Variants in WSCD2 observed in about 807,000 individuals in gnomAD.
WSCD2 encodes sialate:O-sulfotransferase 2.
In WSCD2, 28 loss-of-function variants were observed where a neutral mutation model predicts 55.7. The ratio of observed to expected loss-of-function variants is 0.50; its 90% CI spans 0.37 to 0.69. WSCD2 has a LOEUF of 0.69. WSCD2 is among the 30% of genes least tolerant of loss of function. The pLI, the probability that WSCD2 is intolerant of heterozygous loss-of-function variation, is 0.00. For synonymous variants in WSCD2, 301 were observed against 301.9 expected, an observed-to-expected ratio of 1.00 and a Z score of 0.03; for missense variants, 616 against 762.1, an observed-to-expected ratio of 0.81 and a Z score of 2.26.
At chr12:108,220,498 A>T in intron 4 of WSCD2, among the ~76,000 whole-genome samples, 1 of 152,176 alleles carries the variant, frequency 6.6e-6, no homozygotes, top group South Asian at 2.1e-4. Context: ...CATACCACAC[A>T]ACCAGTACAT....
chr12:108,235,994 T>C (rs779511468), intron 7 of WSCD2, among the ~76,000 whole-genome samples: 2 of 152,152 alleles, frequency 1.3e-5, no homozygotes, highest in Non-Finnish European at 2.9e-5. Context: ...CTTCATGAAA[T>C]CCTTTGCCGC....
In WSCD2 at chr12:108,210,168, G is replaced by A. The variant is rs1885955810; in HGVS notation, c.545G>A (p.Gly182Asp). 1 of 1,614,014 alleles carries A rather than the reference G, an allele frequency of 6.2e-7. No homozygotes were observed. The change falls in exon 4 of 9, where the codon GGC (glycine) becomes GAC (aspartate). Residue 182 changes from glycine (G) to aspartate (D), a missense_variant. Coordinates refer to ENST00000547525, the MANE Select transcript of WSCD2 (RefSeq NM_014653.4). This position sits in a 1 kb window ranked among gnomAD's most constrained non-coding sequence, Gnocchi z 4.3. ...GLEFGAECYC[G>D]HKIQATNVSE... is the part of the protein sequence containing the mutation. ...GAGTTCGGCGCCGAGTGCTACTGCG[G>A]CCACAAGATCCAGGCGACGAACGTG...
In WSCD2 at chr12:108,227,003, C is replaced by T. The variant is rs1282939739; in HGVS notation, c.818C>T (p.Ala273Val). Residue 273 changes from alanine to valine, a missense_variant, in exon 6 of 9, where the codon GCA (alanine) becomes GTA (valine). By Grantham distance (64) the Ala-to-Val change is moderately conservative. Coordinates refer to ENST00000547525, the MANE Select transcript of WSCD2 (RefSeq NM_014653.4). ...DFCTEKEYPL[A>V]ALAGTACHCG... Reference sequence around the variant, plus strand: ...CTCCATCCCCAGGAGTACCCGCTGGCAGCTCTTGCAGGCACCGCCTGCCAC... The same window carrying T: ...CTCCATCCCCAGGAGTACCCGCTGGTAGCTCTTGCAGGCACCGCCTGCCAC... The T allele has an allele frequency of 6.2e-7, 1 of 1,613,554 alleles. No individual in the cohort carries two copies. The highest frequency in any genetic ancestry group is 2.2e-5 in the East Asian group (1 of 44,880).
intron 8 of WSCD2, among the ~76,000 whole-genome samples, chr12:108,244,228 G>C (rs921506014): frequency 1.3e-5 from 2 of 152,194 alleles, no homozygotes; most frequent in Non-Finnish European, 2.9e-5. Flanking sequence ...TTTGCAGACA[G>C]CAATCAATGA....
intron 6 of WSCD2, among the ~76,000 whole-genome samples, chr12:108,227,942 T>G (rs1888321913): frequency 6.6e-6 from 1 of 151,964 alleles, no homozygotes. Flanking sequence ...TGGAGTTTCT[T>G]GAGGTCTTAC....
At chr12:108,165,659 G>A (rs959197521) in intron 1 of WSCD2, among the ~76,000 whole-genome samples, 2 of 152,216 alleles carry the variant, frequency 1.3e-5, no homozygotes, top group African/African-American at 4.8e-5. Flanking sequence ...AGTTGAGTGT[G>A]AGGTGGAGAC....
intron 4 of WSCD2, among the ~76,000 whole-genome samples, chr12:108,221,273 C>T (rs1174836340): frequency 3.9e-5 from 6 of 152,058 alleles, no homozygotes; most frequent in African/African-American, 9.7e-5. Context: ...CCCACTTTCC[C>T]GGTGGGTGTG....
chr12:108,219,893 T>C (rs1031498438), intron 4 of WSCD2, among the ~76,000 whole-genome samples: 1 of 152,220 alleles, frequency 6.6e-6, no homozygotes, highest in African/African-American at 2.4e-5. Context: ...TTGAAGTTGG[T>C]TCTAGAGACC....
At chr12:108,154,459 G>T (rs1820888355) in intron 1 of WSCD2, among the ~76,000 whole-genome samples, 1 of 152,126 alleles carries the variant, frequency 6.6e-6, no homozygotes, top group Non-Finnish European at 1.5e-5. Context: ...CCCTCATAAG[G>T]ATGCTTGTGA....
At chr12:108,154,989 A>G (rs1271621313) in intron 1 of WSCD2, among the ~76,000 whole-genome samples, 3 of 152,314 alleles carry the variant, frequency 2.0e-5, no homozygotes, top group African/African-American at 7.2e-5. Flanking sequence ...AATATGCCCC[A>G]GATCCCAGCC....
intron 1 of WSCD2, among the ~76,000 whole-genome samples, chr12:108,141,489 G>C (rs1011005859): frequency 1.3e-5 from 2 of 152,280 alleles, no homozygotes; most frequent in East Asian, 1.9e-4. Flanking sequence ...GGAGGTTCGA[G>C]GGGGAGAATC....
chr12:108,162,386 G>A (rs1879165578), intron 1 of WSCD2, among the ~76,000 whole-genome samples: 1 of 152,058 alleles, frequency 6.6e-6, no homozygotes. Context: ...ATGGGCTGGG[G>A]GATCCCCAGC....
rs559546028 is a variant in WSCD2, at chr12:108,130,475, G to GGTGTGT, written c.-552+590_-552+595dup. Among the ~76,000 whole-genome samples, 474 of 134,500 alleles carry GGTGTGT rather than the reference G, an allele frequency of 3.5e-3. 3 individuals are homozygous for GGTGTGT. The highest frequency in any genetic ancestry group is 6.5e-3 in the African/African-American group (239 of 36,876). 88.2% of individuals were successfully genotyped at this position (134,500 alleles called of 152,430 possible). On this transcript the variant is annotated intron_variant, in intron 1 of 8. Coordinates refer to ENST00000547525, the MANE Select transcript of WSCD2 (RefSeq NM_014653.4). ...GCAGATTTGCTTATGTCCATTCTGG[G>GGTGTGT]GTGTGTGTGTGTGTGTGTGTGTGTG...
At chr12:108,152,283 A>G (rs1878086078) in intron 1 of WSCD2, among the ~76,000 whole-genome samples, 1 of 152,204 alleles carries the variant, frequency 6.6e-6, no homozygotes, top group Admixed American at 6.5e-5. Context: ...GCTGTGACCA[A>G]GGAAGGATAA....
intron 1 of WSCD2, among the ~76,000 whole-genome samples, chr12:108,188,844 A>T (rs1882833071): frequency 6.6e-6 from 1 of 152,156 alleles, no homozygotes; most frequent in South Asian, 2.1e-4. Flanking sequence ...GCATCATGAC[A>T]CTGAGGCTCA....
intron 1 of WSCD2, among the ~76,000 whole-genome samples, chr12:108,150,383 C>T (rs749108198): frequency 2.0e-5 from 3 of 152,158 alleles, no homozygotes; most frequent in Admixed American, 6.5e-5. Context: ...TAGAGTGTTA[C>T]GAGAACATGG....
intron 1 of WSCD2, among the ~76,000 whole-genome samples, chr12:108,163,696 AG>A (rs1362438695): frequency 7.2e-5 from 11 of 152,190 alleles, no homozygotes; most frequent in Non-Finnish European, 4.4e-5. Context: ...GAATGCAGGC[AG>A]GAAGGGGAGG....
chr12:108,161,406 G>GA (rs1391944238), intron 1 of WSCD2, among the ~76,000 whole-genome samples: 4 of 152,156 alleles, frequency 2.6e-5, no homozygotes, highest in Non-Finnish European at 4.4e-5. Context: ...GGTGTTCTTA[G>GA]AAAAAGGGAA....
intron 1 of WSCD2, among the ~76,000 whole-genome samples, chr12:108,156,677 T>C (rs1181068010): frequency 1.3e-5 from 2 of 152,272 alleles, no homozygotes; most frequent in East Asian, 3.9e-4. Context: ...ACCAGAAATA[T>C]CAACTTTCTT....
Sources: gnomAD v4.1 joint callset for allele counts (sites outside exome capture counted in the v4.1 genomes callset) on GRCh38, gnomAD v4.1.1 for gene constraint, Gnocchi (gnomAD v3.1) non-coding constraint, MANE v1.5 for transcripts, NCBI Gene and HGNC (gene_info 2026-07-23, HGNC 2026-07-21) for gene names.